SPATA18: variants seen among roughly 807,000 people sequenced by gnomAD.
SPATA18 encodes spermatogenesis associated 18.
SPATA18 carries 54 observed loss-of-function variants against 68.1 expected under a neutral mutation model. The observed-to-expected ratio is 0.79, with a 90% CI of 0.64 to 0.99. SPATA18 has a LOEUF of 0.99. Ranked by LOEUF, SPATA18 falls within the 50% of genes least tolerant of loss-of-function variation. The pLI is 0.00. For missense variants in SPATA18, 724 were observed against 681.1 expected, an observed-to-expected ratio of 1.06 and a Z score of -0.70; for synonymous variants, 242 against 244.8, an observed-to-expected ratio of 0.99 and a Z score of 0.11.
At chr4:52,062,186 GTT>G (rs34989037) in intron 3 of SPATA18, 32 bp from the exon 4 acceptor site, 134,371 of 777,540 alleles carry the variant, frequency 0.17, 23 homozygotes, top group Middle Eastern at 0.24. Flanking sequence ...TATTCAGACT[GTT>G]TTTTTTTTTT....
chr4:52,066,586 T>G (rs1739335392), intron 4 of SPATA18, among the ~76,000 whole-genome samples: 1 of 152,212 alleles, frequency 6.6e-6, no homozygotes, highest in Admixed American at 6.5e-5. Flanking sequence ...GGTGGTTTGC[T>G]GCACAGATTA....
chr4:52,092,277 C>T (rs1223204614), intron 11 of SPATA18, among the ~76,000 whole-genome samples: 1 of 151,962 alleles, frequency 6.6e-6, no homozygotes, highest in Non-Finnish European at 1.5e-5. Flanking sequence ...AAAAAAGCCC[C>T]TGCAGCTAGT....
At chr4:52,065,956 C>T (rs919548333) in intron 4 of SPATA18, among the ~76,000 whole-genome samples, 12 of 152,224 alleles carry the variant, frequency 7.9e-5, no homozygotes, top group Admixed American at 2.0e-4. Context: ...TTGAATCTAT[C>T]GCCTAAACTT....
In SPATA18 at chr4:52,077,421, T is replaced by A. The variant is rs79981087; in HGVS notation, c.1020+381T>A. On this transcript the variant is annotated intron_variant, in intron 7 of 12. Coordinates refer to ENST00000295213, the MANE Select transcript of SPATA18 (RefSeq NM_145263.4). Reference sequence around the variant, plus strand: ...CTTCCTCCATTGTTTCCTTCCTCTCTCTCCTTCCTTCCTTCCTTCCCTTTC... The same window carrying A: ...CTTCCTCCATTGTTTCCTTCCTCTCACTCCTTCCTTCCTTCCTTCCCTTTC... 2.3e-5 allele frequency among the ~76,000 whole-genome samples: 3 copies of A among 132,604 alleles called. No homozygotes were observed. In the South Asian group the frequency reaches 7.4e-4, roughly 33 times the overall value. The allele number at this position is 132,604 out of a possible 152,430, so 87.0% of individuals were successfully genotyped here.
At chr4:52,081,827 C>CTT (rs67825682) in intron 9 of SPATA18, among the ~76,000 whole-genome samples, 38 of 148,772 alleles carry the variant, frequency 2.6e-4, no homozygotes, top group Non-Finnish European at 3.1e-4. Flanking sequence ...TCAATGTCAT[C>CTT]TTTTTTTTTT....
intron 9 of SPATA18, among the ~76,000 whole-genome samples, chr4:52,082,072 T>G (rs142673847): frequency 1.6e-4 from 24 of 151,922 alleles, no homozygotes; most frequent in Admixed American, 5.9e-4. Flanking sequence ...CATGAAAAAT[T>G]CTATGGGAAG....
At position 52,051,744 on chromosome 4, in the gene SPATA18, T is replaced by A. The variant is rs1380150392; in HGVS notation, c.40T>A (p.Leu14Ile). The A allele has an allele frequency of 6.2e-7, 1 of 1,614,124 alleles. No individual in the cohort carries two copies. Residue 14 changes from leucine (L) to isoleucine (I), a missense_variant, in exon 1 of 13, where the codon TTA (leucine) becomes ATA (isoleucine). Physicochemically the swap from Leu to Ile is conservative, Grantham distance 5 (BLOSUM62 2). Transcript: ENST00000295213. The stretch of plus-strand genomic sequence containing the variant: ...GAAAAGACTGGTCTCAAACGAAACT[T>A]TACGAACGTTGCAGGAAAAGCTAGA... The part of the protein sequence containing the change: ...NLKRLVSNET[L>I]RTLQEKLDFW...
chr4:52,086,784 A>G (rs1261868264), intron 11 of SPATA18, among the ~76,000 whole-genome samples: 1 of 152,170 alleles, frequency 6.6e-6, no homozygotes, highest in Non-Finnish European at 1.5e-5. Context: ...TATGCCCAGT[A>G]ATGGCATTGC....
intron 10 of SPATA18, chr4:52,083,076 A>C: frequency 3.2e-6 from 3 of 931,248 alleles, no homozygotes; most frequent in Non-Finnish European, 3.7e-6. Context: ...CAGAATGTTA[A>C]ATACTTGAAC....
intron 6 of SPATA18, among the ~76,000 whole-genome samples, chr4:52,073,692 G>C (rs1740069795): frequency 6.6e-6 from 1 of 152,188 alleles, no homozygotes; most frequent in African/African-American, 2.4e-5. Flanking sequence ...GAACTCTTTA[G>C]CCCAGGTGTT....
intron 12 of SPATA18, 22 bp from the exon 13 acceptor site, chr4:52,094,857 GA>G (rs1742297631): frequency 2.5e-6 from 4 of 1,613,644 alleles, no homozygotes; most frequent in Non-Finnish European, 3.4e-6. Flanking sequence ...CCATAATAAT[GA>G]ACTGTCTATT....
Position 52,095,526 on chromosome 4 carries a change from T to C in SPATA18, c.*639T>C, listed in dbSNP as rs1742350794. On this transcript the variant is annotated 3_prime_UTR_variant, in exon 13 of 13. Coordinates refer to ENST00000295213, the MANE Select transcript of SPATA18 (RefSeq NM_145263.4). Reference sequence around the variant, plus strand: ...CGTTCTGATTTTGAGAGTGCCCAGTTTGGTTTAGTTGACCAATGAATGTCA... The same window carrying C: ...CGTTCTGATTTTGAGAGTGCCCAGTCTGGTTTAGTTGACCAATGAATGTCA... 1 of 152,248 alleles carries C rather than the reference T, an allele frequency of 6.6e-6. No homozygotes were observed. The highest frequency in any genetic ancestry group is 2.4e-5 in the African/African-American group (1 of 41,442). 9.4% of individuals were successfully genotyped at this position (152,248 alleles called of 1,614,324 possible).
At chr4:52,070,496 A>G (rs902602599) in intron 5 of SPATA18, among the ~76,000 whole-genome samples, 1 of 137,920 alleles carries the variant, frequency 7.3e-6, no homozygotes, top group Non-Finnish European at 1.5e-5. Flanking sequence ...TTAAAGTTAT[A>G]CCTTCCTGAG....
At position 52,062,349 on chromosome 4, in the gene SPATA18, T is replaced by C; in HGVS notation, c.422+17T>C. 1 of 1,502,328 alleles carries C rather than the reference T, an allele frequency of 6.7e-7. No individual in the cohort carries two copies. Among genetic ancestry groups the C allele is most frequent in the Non-Finnish European group, 9.1e-7 (1 of 1,094,392 alleles). The allele number at this position is 1,502,328 out of a possible 1,614,324, so 93.1% of individuals were successfully genotyped here. ...TCAAGACGAGTAAGAGGAATGCAAG[T>C]TATCTTTTTCCAAAAAGAATTGTTT... On this transcript the variant is annotated intron_variant, in intron 4 of 12. Transcript: ENST00000295213.
At chr4:52,070,378 C>A (rs1739700164) in intron 5 of SPATA18, among the ~76,000 whole-genome samples, 1 of 151,990 alleles carries the variant, frequency 6.6e-6, no homozygotes, top group East Asian at 1.9e-4. Context: ...TACTAATTTT[C>A]AACATGGGAA....
chr4:52,060,377 G>A, intron 1 of SPATA18, 42 bp from the exon 2 acceptor site: 1 of 1,553,422 alleles, frequency 6.4e-7, no homozygotes, highest in Non-Finnish European at 8.9e-7. Flanking sequence ...GGGTCCCAGA[G>A]TGAAGTAATT....
intron 5 of SPATA18, 109 bp downstream of exon 5, chr4:52,070,025 A>G (rs554720472): frequency 1.1e-5 from 4 of 367,950 alleles, no homozygotes; most frequent in African/African-American, 6.7e-5. Context: ...GAAAATGCAG[A>G]AATATTTTTA....
At chr4:52,070,704 A>G (rs967553460) in intron 5 of SPATA18, among the ~76,000 whole-genome samples, 4 of 152,234 alleles carry the variant, frequency 2.6e-5, no homozygotes, top group African/African-American at 9.6e-5. Context: ...ATAAAAAAAG[A>G]GTGAATTCAC....
chr4:52,069,610 G>C (rs1180279727), intron 4 of SPATA18, among the ~76,000 whole-genome samples: 1 of 152,106 alleles, frequency 6.6e-6, no homozygotes, highest in East Asian at 1.9e-4. Context: ...CCTAGTGTTT[G>C]ACATTGAGCA....
Sources: allele counts gnomAD v4.1 joint callset (sites outside exome capture counted in the v4.1 genomes callset), GRCh38; gene constraint gnomAD v4.1.1; transcripts MANE v1.5; gene names NCBI Gene and HGNC (gene_info 2026-07-23, HGNC 2026-07-21).